Variants in UGT1A10 observed in about 807,000 individuals in gnomAD.
UGT1A10 encodes UDP-glucuronosyltransferase 1A10.
A neutral mutation model predicts 45.8 loss-of-function variants in UGT1A10; 49 were observed. The observed-to-expected ratio is 1.07, with a 90% CI of 0.85 to 1.36. The LOEUF is 1.36. UGT1A10 is among the 40% of genes most tolerant of loss of function. The pLI is 0.00. For missense variants in UGT1A10, 745 were observed against 668.6 expected, an observed-to-expected ratio of 1.11 and a Z score of -1.26; for synonymous variants, 284 against 249.7, an observed-to-expected ratio of 1.14 and a Z score of -1.29.
chr2:233,732,773 C>CTTTT (rs2078315229), intron 1 of UGT1A10, among the ~76,000 whole-genome samples: 1 of 103,190 alleles, frequency 9.7e-6, no homozygotes, highest in Admixed American at 1.1e-4. Flanking sequence ...TTTTTTTTTG[C>CTTTT]TTAGGATTGT....
intron 1 of UGT1A10, among the ~76,000 whole-genome samples, chr2:233,699,494 A>G (rs752077741): frequency 1.1e-4 from 17 of 152,338 alleles, no homozygotes; most frequent in Middle Eastern, 3.4e-3. Context: ...TTCTACTTGT[A>G]ATACAAAGAA....
chr2:233,679,333 G>GT (rs2074449295), intron 1 of UGT1A10, among the ~76,000 whole-genome samples: 1 of 152,182 alleles, frequency 6.6e-6, no homozygotes, highest in South Asian at 2.1e-4. Context: ...CGTTCTTATT[G>GT]TTGAGTCCTT....
chr2:233,759,702 G>A (rs780884491), intron 1 of UGT1A10, among the ~76,000 whole-genome samples: 4 of 150,764 alleles, frequency 2.7e-5, no homozygotes, highest in Admixed American at 2.0e-4. Context: ...ACCTCATGGC[G>A]CGTGCTCGTG....
intron 1 of UGT1A10, among the ~76,000 whole-genome samples, chr2:233,656,525 G>T (rs777772295): frequency 6.6e-6 from 1 of 152,224 alleles, no homozygotes; most frequent in Non-Finnish European, 1.5e-5. Flanking sequence ...CTCTGTGGCA[G>T]TTGGAACATA....
At chr2:233,640,274 C>T (rs1383182684) in intron 1 of UGT1A10, among the ~76,000 whole-genome samples, 1 of 152,096 alleles carries the variant, frequency 6.6e-6, no homozygotes, top group Non-Finnish European at 1.5e-5. Context: ...AAATAATTTT[C>T]AGTGTTTTGC....
intron 1 of UGT1A10, chr2:233,760,706 T>G (rs1396464237): frequency 2.5e-6 from 4 of 1,614,118 alleles, no homozygotes; most frequent in African/African-American, 1.3e-5. Flanking sequence ...ATGGCCTCCC[T>G]GGCAGAAAGC....
intron 1 of UGT1A10, chr2:233,760,248 A>ATT (rs606231201): frequency 6.2e-7 from 1 of 1,609,150 alleles, no homozygotes; most frequent in South Asian, 1.1e-5. Context: ...ATATATATAT[A>ATT]AGTAGGAGAG....
intron 1 of UGT1A10, among the ~76,000 whole-genome samples, chr2:233,674,826 G>A (rs760592021): frequency 6.6e-6 from 1 of 152,188 alleles, no homozygotes; most frequent in Non-Finnish European, 1.5e-5. Flanking sequence ...CCGGCAAAGA[G>A]CCTTGGATAT....
chr2:233,747,089 ACTCTAT>A, intron 1 of UGT1A10: 1 of 1,215,556 alleles, frequency 8.2e-7, no homozygotes. Context: ...GGAGGAGAGC[ACTCTAT>A]CTTCCAATTA....
intron 1 of UGT1A10, chr2:233,747,354 G>A (rs753872482): frequency 3.1e-5 from 49 of 1,602,390 alleles, no homozygotes; most frequent in African/African-American, 2.7e-4. Flanking sequence ...GCGGGAGGCC[G>A]TGCGGGAGCT....
intron 1 of UGT1A10, among the ~76,000 whole-genome samples, chr2:233,727,206 C>A (rs1441651485): frequency 6.6e-6 from 1 of 152,164 alleles, no homozygotes; most frequent in Non-Finnish European, 1.5e-5. Flanking sequence ...CTCACTGACA[C>A]CCATGGCTTC....
intron 1 of UGT1A10, chr2:233,747,938 G>A (rs1693816643): frequency 2.5e-6 from 4 of 1,613,450 alleles, no homozygotes; most frequent in Non-Finnish European, 3.4e-6. Context: ...TTCAGAGGGA[G>A]GTGTCAGTGG....
In UGT1A10 at chr2:233,637,195, A is replaced by T. The variant is rs1381937455; in HGVS notation, c.673A>T (p.Arg225Ter). Residue 225 changes from arginine to a stop codon, truncating the protein, a stop_gained, in exon 1 of 5, where the codon AGA becomes TGA. Coordinates refer to ENST00000344644, the MANE Select transcript of UGT1A10 (RefSeq NM_019075.4). LOFTEE classifies it high-confidence loss of function. ...EDHLFCQYLF[R>*]NALEIASEIL... ...CCATTTATTTTGCCAGTATCTTTTTAGAAATGCCCTAGAAATAGCCTCTGA... is the reference window on the plus strand; with the variant it reads ...CCATTTATTTTGCCAGTATCTTTTTTGAAATGCCCTAGAAATAGCCTCTGA... The T allele has an allele frequency of 6.2e-7, 1 of 1,613,986 alleles. No individual in the cohort carries two copies. The highest frequency in any genetic ancestry group is 1.3e-5 in the African/African-American group (1 of 75,036).
In UGT1A10 at chr2:233,636,531, C is replaced by T. The variant is rs915837119; in HGVS notation, c.9C>T (p.Arg3=). 7.4e-6 allele frequency: 12 copies of T among 1,612,732 alleles called. No individual in the cohort carries two copies. In the African/African-American group the frequency reaches 8.0e-5, roughly 11 times the overall value. Residue 3 remains arginine, a synonymous_variant, in exon 1 of 5, where the codon CGC becomes CGT. Transcript: ENST00000344644. MA[R]AGWTSPVPLC... ...CGGGCTGCAGTTCTCTCATGGCTCG[C>T]GCAGGGTGGACCAGCCCCGTTCCTT...
chr2:233,663,206 C>A (rs995388596), intron 1 of UGT1A10, among the ~76,000 whole-genome samples: 7 of 152,044 alleles, frequency 4.6e-5, no homozygotes, highest in Admixed American at 3.3e-4. Flanking sequence ...TAGACAGAGT[C>A]AATATAACAA....
chr2:233,718,839 G>A, intron 1 of UGT1A10: 1 of 1,613,658 alleles, frequency 6.2e-7, no homozygotes, highest in Non-Finnish European at 8.5e-7. Context: ...AGGACTCCAG[G>A]TTCCCCTGCC....
rs553805330 is a variant in UGT1A10, at chr2:233,754,902, A to C, written c.856-12132A>C. On this transcript the variant is annotated intron_variant, in intron 1 of 4. Coordinates refer to ENST00000344644, the MANE Select transcript of UGT1A10 (RefSeq NM_019075.4). ...TCCCAGGGAGTTCCTCTGACCCCCC[A>C]AAATATTCTCCAGCGGGTTTCCCAA... 31 of 1,352,320 alleles carry C rather than the reference A, an allele frequency of 2.3e-5. No individual in the cohort carries two copies. The East Asian group carries it at 6.4e-4, about 28-fold the overall frequency. 83.8% of individuals were successfully genotyped at this position (1,352,320 alleles called of 1,614,324 possible).
chr2:233,707,415 G>T (rs183543704), intron 1 of UGT1A10, among the ~76,000 whole-genome samples: 1 of 151,836 alleles, frequency 6.6e-6, no homozygotes, highest in Non-Finnish European at 1.5e-5. Context: ...TCTCTCCCTC[G>T]ACTATTTCTT....
chr2:233,772,289 C>T lies in UGT1A10; in HGVS notation c.1323C>T (p.Ser441=). Residue 441 remains serine (S), a synonymous_variant, in exon 5 of 5, where the codon TCC becomes TCT. Coordinates refer to ENST00000344644, the MANE Select transcript of UGT1A10 (RefSeq NM_019075.4). ...ACAAGGAGAACATCATGCGCCTCTC[C>T]AGCCTTCACAAGGACCGCCCGGTGG... is the stretch of plus-strand genomic sequence containing the variant. The part of the protein sequence containing the change: ...KSYKENIMRL[S]SLHKDRPVEP... The T allele has an allele frequency of 6.2e-7, 1 of 1,614,242 alleles. No homozygotes were observed. The highest frequency in any genetic ancestry group is 8.5e-7 in the Non-Finnish European group (1 of 1,180,054).
Sources: gnomAD v4.1 joint callset for allele counts (sites outside exome capture counted in the v4.1 genomes callset) on GRCh38, gnomAD v4.1.1 for gene constraint, MANE v1.5 for transcripts, NCBI Gene and HGNC (gene_info 2026-07-23, HGNC 2026-07-21) for gene names.